The following ACVR1C variants were observed in gnomAD, a reference collection of about 807,000 sequenced individuals.
The protein encoded by ACVR1C is activin A receptor type 1C, also known as activin receptor type-1C.
ACVR1C carries 23 observed loss-of-function variants against 57.9 expected under a neutral mutation model. That is an observed-to-expected ratio of 0.40 (90% CI 0.29 to 0.56). The LOEUF is 0.56. Ranked by LOEUF, ACVR1C falls within the 20% of genes least tolerant of loss-of-function variation. ACVR1C has a pLI of 0.50. For synonymous variants in ACVR1C, 214 were observed against 215.3 expected (o/e 0.99, Z 0.05); for missense variants, 480 against 607.9 (o/e 0.79, Z 2.21).
chr2:157,623,174 A>G (rs561344897), intron 1 of ACVR1C, among the ~76,000 whole-genome samples: 60 of 152,320 alleles, frequency 3.9e-4, no homozygotes, highest in African/African-American at 1.4e-3. Flanking sequence ...GTAAATTAGT[A>G]CAACCACTAA....
intron 3 of ACVR1C, among the ~76,000 whole-genome samples, chr2:157,554,268 A>AAAGAAAGAAAGAAAGAAAGGAAGAAAGG (rs1261113225): frequency 3.5e-5 from 4 of 113,562 alleles, no homozygotes; most frequent in South Asian, 5.6e-4. Context: ...AGAAAGAAAG[A>AAAGAAAGAAAGAAAGAAAGGAAGAAAGG]AAGGAAGGAA....
intron 1 of ACVR1C, among the ~76,000 whole-genome samples, chr2:157,613,293 G>T (rs984269099): frequency 6.6e-6 from 1 of 152,124 alleles, no homozygotes; most frequent in African/African-American, 2.4e-5. Context: ...TCTGGGGAGG[G>T]TGAGTGTCTA....
intron 1 of ACVR1C, among the ~76,000 whole-genome samples, chr2:157,605,369 A>C (rs548965471): frequency 6.6e-6 from 1 of 151,706 alleles, no homozygotes; most frequent in Admixed American, 6.6e-5. Flanking sequence ...GGGTATTCTC[A>C]TTCCTTTGCC....
Position 157,538,693 on chromosome 2 carries a change from C to T in ACVR1C, c.1236G>A (p.Glu412=), listed in dbSNP as rs751660755. The T allele has an allele frequency of 6.7e-7, 1 of 1,486,320 alleles. No individual in the cohort carries two copies. Among genetic ancestry groups the T allele is most frequent in the Non-Finnish European group, 8.9e-7 (1 of 1,119,198 alleles). The allele number at this position is 1,486,320 out of a possible 1,614,324, so 92.1% of individuals were successfully genotyped here. Residue 412 remains glutamate, a synonymous_variant, in exon 8 of 9, where the codon GAG becomes GAA. Transcript: ENST00000243349. ...ARRCSVGGIV[E]EYQLPYYDMV... is the part of the protein sequence containing the mutation. ...TGTCATAATAAGGCAATTGGTACTC[C>T]TCAACAATTCCTGTAAGAAATTTGT...
At chr2:157,583,720 GTTACT>G (rs1241673581) in intron 2 of ACVR1C, among the ~76,000 whole-genome samples, 1 of 152,076 alleles carries the variant, frequency 6.6e-6, no homozygotes, top group Non-Finnish European at 1.5e-5. Context: ...CATATATAAA[GTTACT>G]TTATTTTCAA....
intron 4 of ACVR1C, among the ~76,000 whole-genome samples, chr2:157,549,637 G>C (rs143320934): frequency 6.6e-6 from 1 of 151,948 alleles, no homozygotes; most frequent in African/African-American, 2.4e-5. Flanking sequence ...ATATTTATCC[G>C]TTGGAAAGAG....
intron 7 of ACVR1C, among the ~76,000 whole-genome samples, chr2:157,540,511 G>T (rs1687601537): frequency 2.0e-5 from 3 of 152,058 alleles, no homozygotes; most frequent in Non-Finnish European, 4.4e-5. Flanking sequence ...TGGTCAGGCT[G>T]GTCTCGAACT....
chr2:157,602,029 A>G (rs1682292611), intron 1 of ACVR1C, among the ~76,000 whole-genome samples: 1 of 152,222 alleles, frequency 6.6e-6, no homozygotes, highest in Admixed American at 6.5e-5. Flanking sequence ...AGTGTTTCTC[A>G]CAACTTTCTG....
At chr2:157,604,055 A>G (rs1347129787) in intron 1 of ACVR1C, among the ~76,000 whole-genome samples, 1 of 152,108 alleles carries the variant, frequency 6.6e-6, no homozygotes, top group East Asian at 1.9e-4. Flanking sequence ...TTCTAAAAAT[A>G]TACCTGATTA....
intron 4 of ACVR1C, among the ~76,000 whole-genome samples, 173 bp from the exon 5 acceptor site, chr2:157,544,785 A>G (rs943094164): frequency 1.3e-5 from 2 of 152,236 alleles, no homozygotes; most frequent in Non-Finnish European, 2.9e-5. Flanking sequence ...ATTCCTGAAG[A>G]TATTGATATG....
At chr2:157,536,624 C>A (rs1303100760) in intron 8 of ACVR1C, among the ~76,000 whole-genome samples, 2 of 152,082 alleles carry the variant, frequency 1.3e-5, no homozygotes, top group African/African-American at 4.8e-5. Flanking sequence ...AAAAATCTTA[C>A]AACCACTAGG....
At chr2:157,616,559 C>T (rs1405940691) in intron 1 of ACVR1C, among the ~76,000 whole-genome samples, 2 of 152,084 alleles carry the variant, frequency 1.3e-5, no homozygotes. Context: ...CTATTGAGTG[C>T]TCTGTCACTT....
chr2:157,583,865 A>C (rs1688848900), intron 2 of ACVR1C, among the ~76,000 whole-genome samples: 1 of 152,198 alleles, frequency 6.6e-6, no homozygotes, highest in Non-Finnish European at 1.5e-5. Context: ...TTAAGTTGAA[A>C]CTGAATGCAA....
At chr2:157,534,895 C>T (rs1687444010) in intron 8 of ACVR1C, among the ~76,000 whole-genome samples, 1 of 152,092 alleles carries the variant, frequency 6.6e-6, no homozygotes, top group Non-Finnish European at 1.5e-5. Flanking sequence ...GTGTCTCATG[C>T]CTGTAATTCT....
At chr2:157,609,228 A>G (rs541549119) in intron 1 of ACVR1C, among the ~76,000 whole-genome samples, 21 of 151,652 alleles carry the variant, frequency 1.4e-4, no homozygotes, top group East Asian at 5.8e-4. Flanking sequence ...CCTTGACTCA[A>G]TGGTTGTTTA....
Position 157,628,853 on chromosome 2 carries a change from G to C in ACVR1C, c.-209C>G. On this transcript the variant is annotated 5_prime_UTR_variant, in exon 1 of 9. Transcript: ENST00000243349. The stretch of plus-strand genomic sequence containing the variant: ...CCCCCTGCGGCTGGCGGTGCGCGGC[G>C]CTCCTGCCACTGGCCCCGCAGCCGG... 1 of 342,652 alleles carries C rather than the reference G, an allele frequency of 2.9e-6. No homozygotes were observed. Among genetic ancestry groups the C allele is most frequent in the South Asian group, 1.4e-4 (1 of 7,058 alleles). 21.2% of individuals were successfully genotyped at this position (342,652 alleles called of 1,614,324 possible). A position where few individuals can be genotyped will look rare whatever the true frequency, so the allele number is the denominator to read the frequency against.
At chr2:157,601,963 G>A (rs896323568) in intron 1 of ACVR1C, among the ~76,000 whole-genome samples, 4 of 152,052 alleles carry the variant, frequency 2.6e-5, no homozygotes, top group African/African-American at 7.2e-5. Context: ...ACAAGTTATG[G>A]GCTATTCAGA....
At position 157,589,606 on chromosome 2, in the gene ACVR1C, C is replaced by G. The variant is rs750179241; in HGVS notation, c.74-2189G>C. Reference sequence around the variant, plus strand: ...ATATTGTGAAAATGACCATGCTGCTCAAAGCAATCTACAGATTCAGTGCAA... The same window carrying G: ...ATATTGTGAAAATGACCATGCTGCTGAAAGCAATCTACAGATTCAGTGCAA... On this transcript the variant is annotated intron_variant, in intron 1 of 8. Transcript: ENST00000243349. Among the ~76,000 whole-genome samples, 4 of 151,830 alleles carry G rather than the reference C, an allele frequency of 2.6e-5. 1 individual carries two copies. The highest frequency in any genetic ancestry group is 5.9e-5 in the Non-Finnish European group (4 of 67,848).
At chr2:157,615,678 C>G (rs1419563414) in intron 1 of ACVR1C, among the ~76,000 whole-genome samples, 1 of 152,006 alleles carries the variant, frequency 6.6e-6, no homozygotes, top group Admixed American at 6.6e-5. Context: ...TGGAAAATGT[C>G]TATTTCTCTT....
Sources: gnomAD v4.1 joint callset for allele counts (sites outside exome capture counted in the v4.1 genomes callset) on GRCh38, gnomAD v4.1.1 for gene constraint, MANE v1.5 for transcripts, NCBI Gene and HGNC (gene_info 2026-07-23, HGNC 2026-07-21) for gene names.